RBM20: variants seen among roughly 807,000 people sequenced by gnomAD.
RBM20 encodes the protein RNA-binding protein 20.
In RBM20, 51 loss-of-function variants were observed where a neutral mutation model predicts 110.1. The observed-to-expected ratio is 0.46, with a 90% CI of 0.37 to 0.59. RBM20 has a LOEUF of 0.59. RBM20 is among the 20% of genes least tolerant of loss of function. The pLI is 0.00. For synonymous variants in RBM20, 589 were observed against 618.2 expected, an observed-to-expected ratio of 0.95 and a Z score of 0.70; for missense variants, 1,512 against 1,574.9, an observed-to-expected ratio of 0.96 and a Z score of 0.68.
chr10:110,723,136 C>T (rs992150504), intron 1 of RBM20, among the ~76,000 whole-genome samples: 2 of 151,280 alleles, frequency 1.3e-5, no homozygotes, highest in African/African-American at 4.9e-5. Flanking sequence ...AAAATCATCC[C>T]AGCAACCCTA....
At chr10:110,835,716 C>G (rs1845117345) in intron 13 of RBM20, 152 bp from the exon 14 acceptor site, 1 of 616,396 alleles carries the variant, frequency 1.6e-6, no homozygotes, top group African/African-American at 1.9e-5. Flanking sequence ...TTCTGTAGCC[C>G]CAGTGGGGAT....
At chr10:110,773,352 C>A (rs1564841683) in intron 1 of RBM20, among the ~76,000 whole-genome samples, 1 of 152,152 alleles carries the variant, frequency 6.6e-6, no homozygotes, top group African/African-American at 2.4e-5. Context: ...TCAAAGGGGG[C>A]TTCAGCTTTA....
intron 3 of RBM20, 114 bp from the exon 4 acceptor site, chr10:110,784,227 A>G: frequency 1.4e-6 from 1 of 724,018 alleles, no homozygotes; most frequent in Non-Finnish European, 2.4e-6. Context: ...TTTTGTTTGA[A>G]CACCTGTTTT....
intron 10 of RBM20, among the ~76,000 whole-genome samples, chr10:110,820,535 C>T (rs1170522777): frequency 6.6e-6 from 1 of 152,232 alleles, no homozygotes; most frequent in Non-Finnish European, 1.5e-5. Context: ...GGCACTCAAG[C>T]TGGGGCCCTG....
intron 8 of RBM20, among the ~76,000 whole-genome samples, 164 bp from the exon 9 acceptor site, chr10:110,812,114 G>A (rs973956301): frequency 6.6e-6 from 1 of 152,240 alleles, no homozygotes; most frequent in Non-Finnish European, 1.5e-5. Flanking sequence ...GGGAGGAAAA[G>A]GCTTTCTCCT....
chr10:110,663,748 T>G (rs1862138943), intron 1 of RBM20, among the ~76,000 whole-genome samples: 1 of 152,252 alleles, frequency 6.6e-6, no homozygotes, highest in South Asian at 2.1e-4. Flanking sequence ...TTCAGATAAC[T>G]TGAAAACACA....
intron 13 of RBM20, among the ~76,000 whole-genome samples, chr10:110,834,798 C>G (rs1845102211): frequency 6.6e-6 from 1 of 152,222 alleles, no homozygotes. Flanking sequence ...TTTGCCTTTT[C>G]CTTGCTGCCC....
intron 5 of RBM20, among the ~76,000 whole-genome samples, chr10:110,793,343 T>C (rs2135065672): frequency 6.6e-6 from 1 of 152,370 alleles, no homozygotes; most frequent in Admixed American, 6.5e-5. Flanking sequence ...GGAAAGATTT[T>C]ATCTGCCAAA....
In RBM20 at chr10:110,739,517, T is replaced by C. The variant is rs1363408981; in HGVS notation, c.192-41284T>C. ...AGAATTTTACATTAGGGAAAAGTGCTTGTGTGTAGGCATAAGAAAGAAAGA... is the reference window on the plus strand; with the variant it reads ...AGAATTTTACATTAGGGAAAAGTGCCTGTGTGTAGGCATAAGAAAGAAAGA... On this transcript the variant is annotated intron_variant, in intron 1 of 13. Coordinates refer to ENST00000369519, the MANE Select transcript of RBM20 (RefSeq NM_001134363.3). The surrounding 1 kb of genome is among the most constrained non-coding windows in gnomAD (Gnocchi z 4.1). Among the ~76,000 whole-genome samples the C allele has an allele frequency of 6.6e-6, 1 of 152,154 alleles. No individual in the cohort carries two copies. Among genetic ancestry groups the C allele is most frequent in the Non-Finnish European group, 1.5e-5 (1 of 68,034 alleles).
rs936758053 is a variant in RBM20 at position 110,767,202 on chromosome 10, C to T, written c.192-13599C>T. On this transcript the variant is annotated intron_variant, in intron 1 of 13. Transcript: ENST00000369519. Reference sequence around the variant, plus strand: ...CTCCCTCCCAGACGGGGCGGCTGGCCGGGCGGGGGGGCTGACCCCCCCACC... The same window carrying T: ...CTCCCTCCCAGACGGGGCGGCTGGCTGGGCGGGGGGGCTGACCCCCCCACC... Among the ~76,000 whole-genome samples the T allele has an allele frequency of 3.5e-5, 4 of 115,648 alleles. 1 individual carries two copies. The highest frequency in any genetic ancestry group is 6.5e-5 in the African/African-American group (2 of 30,580). 75.9% of individuals were successfully genotyped at this position (115,648 alleles called of 152,430 possible). A position where few individuals can be genotyped will look rare whatever the true frequency, so the allele number is the denominator to read the frequency against.
intron 8 of RBM20, among the ~76,000 whole-genome samples, chr10:110,812,010 GTTC>G (rs1217822984): frequency 2.0e-5 from 3 of 152,198 alleles, no homozygotes; most frequent in Non-Finnish European, 4.4e-5. Flanking sequence ...AATCAGCCCA[GTTC>G]TTCTTCCTAG....
intron 1 of RBM20, among the ~76,000 whole-genome samples, chr10:110,741,730 C>T (rs892382245): frequency 1.3e-5 from 2 of 151,642 alleles, no homozygotes; most frequent in Non-Finnish European, 2.9e-5. Context: ...TGCCCCCCAT[C>T]ACCTGGCTTT....
At chr10:110,803,403 G>A (rs1844654866) in intron 7 of RBM20, among the ~76,000 whole-genome samples, 1 of 152,184 alleles carries the variant, frequency 6.6e-6, no homozygotes, top group South Asian at 2.1e-4. Context: ...AAGCCGCAGA[G>A]ATAGTATTCT....
At chr10:110,663,801 C>T (rs1306904549) in intron 1 of RBM20, among the ~76,000 whole-genome samples, 5 of 152,142 alleles carry the variant, frequency 3.3e-5, no homozygotes, top group Non-Finnish European at 7.4e-5. Flanking sequence ...TTACCGTCAA[C>T]GTGAATGCCA....
rs566179620 is a variant in RBM20 at position 110,650,722 on chromosome 10, G to T, written c.191+6077G>T. The stretch of plus-strand genomic sequence containing the variant: ...AACCTGGAAACCTCCAATTGCTGCT[G>T]TCTGGACATCTTAAATACTTTTTGG... On this transcript the variant is annotated intron_variant, in intron 1 of 13. Coordinates refer to ENST00000369519, the MANE Select transcript of RBM20 (RefSeq NM_001134363.3). Among the ~76,000 whole-genome samples the T allele has an allele frequency of 8.5e-5, 13 of 152,304 alleles. No individual in the cohort carries two copies. In the East Asian group the frequency reaches 2.5e-3, roughly 29 times the overall value.
chr10:110,823,431 C>CTTTTTT (rs201149204), intron 11 of RBM20, 49 bp from the exon 12 acceptor site: 2 of 1,303,074 alleles, frequency 1.5e-6, no homozygotes, highest in African/African-American at 2.0e-5. Flanking sequence ...TGTTGTATTT[C>CTTTTTT]TTTTTTTTTT....
At chr10:110,712,718 G>T (rs1862953447) in intron 1 of RBM20, among the ~76,000 whole-genome samples, 1 of 152,212 alleles carries the variant, frequency 6.6e-6, no homozygotes, top group Admixed American at 6.5e-5. Flanking sequence ...AGTGAGCTGA[G>T]ATCGCACCAC....
intron 1 of RBM20, among the ~76,000 whole-genome samples, chr10:110,685,531 T>C (rs1441924929): frequency 6.6e-6 from 1 of 152,168 alleles, no homozygotes; most frequent in Admixed American, 6.5e-5. Context: ...TTCTTTGCTA[T>C]TTTGGTTAGC....
intron 1 of RBM20, among the ~76,000 whole-genome samples, chr10:110,778,871 A>G (rs1177113832): frequency 6.6e-6 from 1 of 152,206 alleles, no homozygotes; most frequent in African/African-American, 2.4e-5. Context: ...CACTATAACC[A>G]ACCAATATAG....
Sources: allele counts gnomAD v4.1 joint callset (sites outside exome capture counted in the v4.1 genomes callset), GRCh38; gene constraint gnomAD v4.1.1; non-coding constraint Gnocchi (gnomAD v3.1); transcripts MANE v1.5; gene names NCBI Gene and HGNC (gene_info 2026-07-23, HGNC 2026-07-21).